NADK2: variants seen among roughly 807,000 people sequenced by gnomAD.
NADK2 encodes NAD kinase 2, mitochondrial.
Under a neutral mutation model 62.1 loss-of-function variants are expected in NADK2, and 35 were observed. The observed-to-expected ratio is 0.56, with a 90% CI of 0.43 to 0.75. The LOEUF (loss-of-function observed/expected upper bound fraction) is 0.75. Ranked by LOEUF, NADK2 falls within the 30% of genes least tolerant of loss-of-function variation. NADK2 has a pLI of 0.00. For missense variants in NADK2, 439 were observed against 561.3 expected, an observed-to-expected ratio of 0.78 and a Z score of 2.20; for synonymous variants, 205 against 207.9, an observed-to-expected ratio of 0.99 and a Z score of 0.12.
chr5:36,240,426 T>C (rs182963694), intron 1 of NADK2, among the ~76,000 whole-genome samples: 60 of 152,370 alleles, frequency 3.9e-4, no homozygotes, highest in African/African-American at 1.2e-3. Flanking sequence ...GATCACACGA[T>C]ACCAGAAGTT....
chr5:36,211,335 C>T (rs1338804083), intron 7 of NADK2, among the ~76,000 whole-genome samples: 1 of 152,052 alleles, frequency 6.6e-6, no homozygotes, highest in African/African-American at 2.4e-5. Context: ...TGGCTTCAGC[C>T]GGTCTCTCAG....
intron 1 of NADK2, among the ~76,000 whole-genome samples, chr5:36,230,684 T>G (rs957019675): frequency 2.0e-5 from 3 of 152,224 alleles, no homozygotes; most frequent in African/African-American, 7.2e-5. Context: ...AAACCAACCC[T>G]TAGAACTGAG....
At chr5:36,202,523 T>C (rs1195854984) in intron 8 of NADK2, among the ~76,000 whole-genome samples, 1 of 152,110 alleles carries the variant, frequency 6.6e-6, no homozygotes, top group African/African-American at 2.4e-5. Context: ...ATATCCTGTC[T>C]CCTGTGGAAG....
At position 36,241,514 on chromosome 5, in the gene NADK2, C is replaced by G; in HGVS notation, c.285G>C (p.Glu95Asp). 1 of 1,562,738 alleles carries G rather than the reference C, an allele frequency of 6.4e-7. No homozygotes were observed. The highest frequency in any genetic ancestry group is 8.6e-7 in the Non-Finnish European group (1 of 1,163,394). ...QRYRYAELSEEDLKQLLALKG... is the reference protein window; with the variant it reads ...QRYRYAELSEDDLKQLLALKG... ...CAGGACCCACCAGCTGCTTCAGGTC[C>G]TCCTCCGAGAGCTCCGCGTAACGGT... Residue 95 changes from glutamate (E) to aspartate (D), a missense_variant, in exon 1 of 12, where the codon GAG (glutamate) becomes GAC (aspartate). By Grantham distance (45) the Glu-to-Asp change is conservative. Coordinates refer to ENST00000381937, the MANE Select transcript of NADK2 (RefSeq NM_001085411.3). The surrounding 1 kb of genome is among the most constrained non-coding windows in gnomAD (Gnocchi z 4.9).
intron 1 of NADK2, among the ~76,000 whole-genome samples, chr5:36,231,425 C>A (rs542864756): frequency 6.6e-6 from 1 of 152,300 alleles, no homozygotes; most frequent in Middle Eastern, 3.4e-3. Flanking sequence ...TGTGAACTAA[C>A]TTTCTAATAA....
At chr5:36,199,065 G>T (rs186172925) in intron 10 of NADK2, among the ~76,000 whole-genome samples, 31 of 151,918 alleles carry the variant, frequency 2.0e-4, no homozygotes, top group African/African-American at 4.6e-4. Context: ...GTAGGGGGTG[G>T]GGGGAGGAAT....
At chr5:36,199,063 T>G (rs6870255) in intron 10 of NADK2, among the ~76,000 whole-genome samples, 22 of 148,384 alleles carry the variant, frequency 1.5e-4, no homozygotes, top group African/African-American at 1.7e-4. Context: ...GGGTAGGGGG[T>G]GGGGGGAGGA....
At chr5:36,212,145 A>C in intron 6 of NADK2, 1 of 357,526 alleles carries the variant, frequency 2.8e-6, no homozygotes, top group East Asian at 4.8e-5. Context: ...TCTCTGCAAA[A>C]TAAACCTTAA....
intron 7 of NADK2, 43 bp from the exon 8 acceptor site, chr5:36,207,308 C>A (rs1326932572): frequency 8.9e-6 from 13 of 1,457,444 alleles, no homozygotes; most frequent in Non-Finnish European, 1.2e-5. Flanking sequence ...GCTTATGGTT[C>A]AAGGTAAATA....
Sources: allele counts gnomAD v4.1 joint callset (sites outside exome capture counted in the v4.1 genomes callset), GRCh38; gene constraint gnomAD v4.1.1; non-coding constraint Gnocchi (gnomAD v3.1); transcripts MANE v1.5; gene names NCBI Gene and HGNC (gene_info 2026-07-23, HGNC 2026-07-21).